Variants in GNA14 observed in about 807,000 individuals in gnomAD.
The protein encoded by GNA14 is G protein subunit alpha 14, also known as guanine nucleotide-binding protein subunit alpha-14.
In GNA14, 50 loss-of-function variants were observed where a neutral mutation model predicts 42.0. That is an observed-to-expected ratio of 1.19 (90% CI 0.95 to 1.51). The LOEUF is 1.51. Among genes scored for constraint, GNA14 ranks in the 40% most tolerant of loss-of-function variants. The pLI is 0.00. For synonymous variants in GNA14, 173 were observed against 163.1 expected (o/e 1.06, Z -0.46); for missense variants, 473 against 446.2 (o/e 1.06, Z -0.54).
At chr9:77,615,569 C>G (rs1273315239) in intron 1 of GNA14, among the ~76,000 whole-genome samples, 7 of 151,974 alleles carry the variant, frequency 4.6e-5, no homozygotes, top group Non-Finnish European at 8.8e-5. Context: ...GCAGAATGAC[C>G]AAGCAGGGTC....
intron 2 of GNA14, among the ~76,000 whole-genome samples, chr9:77,464,002 G>GTTT (rs1414725150): frequency 2.5e-4 from 38 of 152,222 alleles, no homozygotes; most frequent in African/African-American, 8.9e-4. Context: ...GTTTGTTGTT[G>GTTT]TTGTTTTTGT....
intron 5 of GNA14, among the ~76,000 whole-genome samples, chr9:77,426,061 G>A (rs1835449557): frequency 1.3e-5 from 2 of 152,182 alleles, no homozygotes; most frequent in South Asian, 2.1e-4. Context: ...TCATGTGATC[G>A]TTGGGATTAC....
At chr9:77,489,231 G>GA (rs962010422) in intron 2 of GNA14, among the ~76,000 whole-genome samples, 2 of 151,044 alleles carry the variant, frequency 1.3e-5, no homozygotes. Flanking sequence ...CAGTTAGAGG[G>GA]AAAAAAAAGA....
chr9:77,549,923 C>A (rs1333020487), intron 1 of GNA14, among the ~76,000 whole-genome samples: 1 of 152,186 alleles, frequency 6.6e-6, no homozygotes, highest in African/African-American at 2.4e-5. Context: ...AAACCCACTT[C>A]TAGGGCTTGC....
intron 4 of GNA14, 117 bp downstream of exon 4, chr9:77,431,204 G>T: frequency 2.2e-6 from 2 of 892,084 alleles, no homozygotes; most frequent in East Asian, 2.5e-5. Context: ...TTGGCAGAGA[G>T]GGTCACTCTG....
chr9:77,515,442 C>A (rs12005654), intron 2 of GNA14, among the ~76,000 whole-genome samples: 35,989 of 151,990 alleles, frequency 0.24, 4,942 homozygotes, highest in East Asian at 0.37. Flanking sequence ...AGCCGGGCAG[C>A]CACTGCTGCC....
In GNA14 at chr9:77,556,536, G is replaced by A. The variant is rs538926139; in HGVS notation, c.125-27283C>T. Reference sequence around the variant, plus strand: ...GCTGAATCATTCCAGGCCACCACCAGGGCATCACAATACGTCTCCATGTTT... The same window carrying A: ...GCTGAATCATTCCAGGCCACCACCAAGGCATCACAATACGTCTCCATGTTT... On this transcript the variant is annotated intron_variant, in intron 1 of 6. Coordinates refer to ENST00000341700, the MANE Select transcript of GNA14 (RefSeq NM_004297.4). 4.5e-4 allele frequency among the ~76,000 whole-genome samples: 68 copies of A among 152,244 alleles called. 1 individual carries two copies. Among genetic ancestry groups the A allele is most frequent in the African/African-American group, 1.6e-3 (65 of 41,550 alleles).
chr9:77,502,165 T>C (rs2131743911), intron 2 of GNA14, among the ~76,000 whole-genome samples: 1 of 152,336 alleles, frequency 6.6e-6, no homozygotes, highest in Admixed American at 6.5e-5. Flanking sequence ...TATTTCTTTG[T>C]TGAGACTATT....
intron 1 of GNA14, chr9:77,580,336 C>T: frequency 8.7e-6 from 3 of 344,814 alleles, no homozygotes; most frequent in Non-Finnish European, 1.8e-5. Context: ...CGAATAGGTA[C>T]AATTTACATT....
intron 2 of GNA14, among the ~76,000 whole-genome samples, chr9:77,481,520 A>G (rs574904509): frequency 1.2e-4 from 19 of 152,156 alleles, no homozygotes; most frequent in Middle Eastern, 3.2e-3. Context: ...AAAAATGTAT[A>G]TTCTGTTGAT....
chr9:77,544,638 G>A (rs1056973607), intron 1 of GNA14, among the ~76,000 whole-genome samples: 2 of 142,944 alleles, frequency 1.4e-5, no homozygotes, highest in African/African-American at 5.4e-5. Flanking sequence ...GGAGGCAGAG[G>A]TTGTAGTGAG....
At position 77,478,477 on chromosome 9, in the gene GNA14, G is replaced by A. The variant is rs376882671; in HGVS notation, c.310-43955C>T. Among the ~76,000 whole-genome samples, 274 of 152,076 alleles carry A rather than the reference G, an allele frequency of 1.8e-3. 2 individuals are homozygous for A. Among genetic ancestry groups the A allele is most frequent in the Middle Eastern group, 3.4e-3 (1 of 294 alleles). ...AGTCTTTGCTATTGTGAATAGTGCCGCAATAAACATACATGTGCATGTGTC... is the reference window on the plus strand; with the variant it reads ...AGTCTTTGCTATTGTGAATAGTGCCACAATAAACATACATGTGCATGTGTC... On this transcript the variant is annotated intron_variant, in intron 2 of 6. Coordinates refer to ENST00000341700, the MANE Select transcript of GNA14 (RefSeq NM_004297.4).
rs368454654 is a variant in GNA14 at position 77,587,426 on chromosome 9, A to G, written c.125-58173T>C. Among the ~76,000 whole-genome samples the G allele has an allele frequency of 2.6e-4, 40 of 152,338 alleles. No individual in the cohort carries two copies. The South Asian group carries it at 7.0e-3, about 27-fold the overall frequency. ...AATATCTATCAGTTGATGAATAGCT[A>G]AAGTTATTGTGGTATTTATATACAA... On this transcript the variant is annotated intron_variant, in intron 1 of 6. Coordinates refer to ENST00000341700, the MANE Select transcript of GNA14 (RefSeq NM_004297.4).
chr9:77,469,526 C>G (rs1249408218), intron 2 of GNA14, among the ~76,000 whole-genome samples: 2 of 125,854 alleles, frequency 1.6e-5, no homozygotes, highest in Non-Finnish European at 3.2e-5. Context: ...CAAGAAAAGA[C>G]TGACAACCAA....
chr9:77,478,700 A>C (rs892052325), intron 2 of GNA14, among the ~76,000 whole-genome samples: 1 of 152,028 alleles, frequency 6.6e-6, no homozygotes, highest in Admixed American at 6.5e-5. Context: ...TTGTTTCCTG[A>C]CTTTTTAATG....
chr9:77,488,865 A>G (rs889580819), intron 2 of GNA14, among the ~76,000 whole-genome samples: 55 of 151,978 alleles, frequency 3.6e-4, no homozygotes, highest in African/African-American at 1.3e-3. Context: ...CAGTGCAAAG[A>G]AACAGACATA....
intron 2 of GNA14, among the ~76,000 whole-genome samples, chr9:77,524,716 G>A (rs1837407294): frequency 6.6e-6 from 1 of 152,116 alleles, no homozygotes; most frequent in African/African-American, 2.4e-5. Flanking sequence ...ATCAAGACTA[G>A]CTCTGAGAAA....
intron 2 of GNA14, among the ~76,000 whole-genome samples, chr9:77,454,782 C>T (rs1835971028): frequency 6.6e-6 from 1 of 152,088 alleles, no homozygotes; most frequent in Non-Finnish European, 1.5e-5. Flanking sequence ...AGAGCAAAGG[C>T]CTTTCTAATG....
intron 1 of GNA14, among the ~76,000 whole-genome samples, chr9:77,627,392 C>T (rs1260817713): frequency 6.6e-6 from 1 of 152,114 alleles, no homozygotes; most frequent in African/African-American, 2.4e-5. Context: ...AGGTGGCCAG[C>T]ATTATCCTGA....
Sources: gnomAD v4.1 joint callset for allele counts (sites outside exome capture counted in the v4.1 genomes callset) on GRCh38, gnomAD v4.1.1 for gene constraint, MANE v1.5 for transcripts, NCBI Gene and HGNC (gene_info 2026-07-23, HGNC 2026-07-21) for gene names.